The following MSI2 variants were observed in gnomAD, a reference collection of about 807,000 sequenced individuals.
MSI2 encodes the protein musashi RNA binding protein 2.
In MSI2, 17 loss-of-function variants were observed where a neutral mutation model predicts 45.6. The ratio of observed to expected loss-of-function variants is 0.37; its 90% CI spans 0.26 to 0.56. The LOEUF (loss-of-function observed/expected upper bound fraction) is 0.56, where lower values mean the gene tolerates loss of function less well. Among genes scored for constraint, MSI2 ranks in the 20% least tolerant of loss-of-function variants. The pLI, the probability that MSI2 is intolerant of heterozygous loss-of-function variation, is 0.77. For synonymous variants in MSI2, 156 were observed against 158.2 expected (o/e 0.99, Z 0.11); for missense variants, 293 against 444.2 (o/e 0.66, Z 3.06).
chr17:57,272,459 A>T (rs778937258), intron 5 of MSI2, among the ~76,000 whole-genome samples: 2 of 152,182 alleles, frequency 1.3e-5, no homozygotes, highest in Non-Finnish European at 2.9e-5. Flanking sequence ...GGGAAAAGAA[A>T]ACCTGTTGGT....
intron 6 of MSI2, among the ~76,000 whole-genome samples, chr17:57,473,138 C>T (rs2085471938): frequency 6.6e-6 from 1 of 152,214 alleles, no homozygotes; most frequent in African/African-American, 2.4e-5. Flanking sequence ...GGTGATCTGC[C>T]CGCCTCAGCC....
chr17:57,688,733 A>G (rs535985342), downstream of MSI2, among the ~76,000 whole-genome samples: 10 of 152,318 alleles, frequency 6.6e-5, no homozygotes, highest in South Asian at 1.4e-3. Flanking sequence ...ATGGATACAA[A>G]GAAAGGGGTA....
At chr17:57,452,642 G>A (rs1214489155) in intron 6 of MSI2, among the ~76,000 whole-genome samples, 1 of 152,322 alleles carries the variant, frequency 6.6e-6, no homozygotes, top group African/African-American at 2.4e-5. Flanking sequence ...TGAAAAGATT[G>A]CTCTCTAAGA....
chr17:57,274,997 A>C (rs1458937092), intron 5 of MSI2, among the ~76,000 whole-genome samples: 3 of 152,246 alleles, frequency 2.0e-5, no homozygotes, highest in East Asian at 3.8e-4. Context: ...TAAACAACAA[A>C]AGAAAAATTT....
chr17:57,580,139 A>C (rs1337984724), intron 7 of MSI2, among the ~76,000 whole-genome samples: 2 of 151,524 alleles, frequency 1.3e-5, no homozygotes, highest in African/African-American at 4.8e-5. Context: ...GCAGGGGCTG[A>C]TCTGCCTTCA....
At chr17:57,390,960 T>A (rs567329206) in intron 5 of MSI2, among the ~76,000 whole-genome samples, 2 of 152,288 alleles carry the variant, frequency 1.3e-5, no homozygotes, top group East Asian at 3.9e-4. Flanking sequence ...AGATGATAGA[T>A]CGGGGGTGGC....
At chr17:57,637,140 C>T (rs758414765) in intron 10 of MSI2, among the ~76,000 whole-genome samples, 21 of 152,220 alleles carry the variant, frequency 1.4e-4, no homozygotes, top group South Asian at 2.1e-4. Flanking sequence ...CGAGCTCCCT[C>T]ATGGCCAGCC....
chr17:57,490,161 A>AGG (rs955533599), intron 6 of MSI2, among the ~76,000 whole-genome samples: 5 of 152,198 alleles, frequency 3.3e-5, no homozygotes, highest in African/African-American at 1.2e-4. Context: ...CCTATCTGGA[A>AGG]GGGTTGCACT....
intron 6 of MSI2, among the ~76,000 whole-genome samples, chr17:57,466,164 T>C (rs1464780573): frequency 6.6e-6 from 1 of 152,214 alleles, no homozygotes; most frequent in Non-Finnish European, 1.5e-5. Context: ...CCTGTCACTC[T>C]TCATTTCTCA....
intron 6 of MSI2, among the ~76,000 whole-genome samples, chr17:57,431,317 T>C (rs930823184): frequency 2.0e-5 from 3 of 152,172 alleles, no homozygotes; most frequent in African/African-American, 7.2e-5. Context: ...CCATGTAGGA[T>C]GTGGGTGGCA....
chr17:57,440,595 A>G (rs1012752371), intron 6 of MSI2: 8 of 152,090 alleles, frequency 5.3e-5, no homozygotes, highest in African/African-American at 1.9e-4. Flanking sequence ...GAGCTGGGCT[A>G]TTTATAATTT....
intron 5 of MSI2, among the ~76,000 whole-genome samples, chr17:57,331,569 G>T (rs1303200888): frequency 2.6e-5 from 4 of 152,210 alleles, no homozygotes. Flanking sequence ...AGCGAGATCT[G>T]AAAGCTTTGA....
At chr17:57,667,601 T>C (rs561400157) in intron 11 of MSI2, among the ~76,000 whole-genome samples, 2 of 152,300 alleles carry the variant, frequency 1.3e-5, no homozygotes, top group African/African-American at 4.8e-5. Flanking sequence ...ACTTGCCTCC[T>C]GGAAACCTGC....
intron 6 of MSI2, among the ~76,000 whole-genome samples, chr17:57,441,937 C>T (rs998871760): frequency 7.2e-5 from 11 of 152,058 alleles, no homozygotes; most frequent in African/African-American, 2.7e-4. Context: ...GTGAAGGGAT[C>T]TCAGGGAGGC....
chr17:57,503,148 G>A (rs2086154264), intron 6 of MSI2, among the ~76,000 whole-genome samples: 1 of 152,182 alleles, frequency 6.6e-6, no homozygotes, highest in South Asian at 2.1e-4. Context: ...ACAGTTCAGG[G>A]GTGGCTTAGA....
chr17:57,334,351 A>T (rs1246689841), intron 5 of MSI2, among the ~76,000 whole-genome samples: 2 of 152,200 alleles, frequency 1.3e-5, no homozygotes, highest in Non-Finnish European at 2.9e-5. Context: ...GTGATTAAAA[A>T]TGGCAAGCCT....
intron 3 of MSI2, among the ~76,000 whole-genome samples, chr17:57,258,061 C>T (rs1381567989): frequency 6.6e-6 from 1 of 152,134 alleles, no homozygotes; most frequent in African/African-American, 2.4e-5. Flanking sequence ...ACCCTCCCTG[C>T]CCCCGTTCCA....
At chr17:57,372,283 G>A (rs568909226) in intron 5 of MSI2, among the ~76,000 whole-genome samples, 1 of 152,242 alleles carries the variant, frequency 6.6e-6, no homozygotes, top group East Asian at 1.9e-4. Flanking sequence ...ACCCACCTGT[G>A]TATCTTATTT....
chr17:57,609,118 A>G (rs1906971394), intron 8 of MSI2, among the ~76,000 whole-genome samples: 1 of 151,998 alleles, frequency 6.6e-6, no homozygotes, highest in Non-Finnish European at 1.5e-5. Context: ...CCTCTTCACC[A>G]TCTCCCTGGG....
Sources: allele counts gnomAD v4.1 joint callset (sites outside exome capture counted in the v4.1 genomes callset), GRCh38; gene constraint gnomAD v4.1.1; transcripts MANE v1.5; gene names NCBI Gene and HGNC (gene_info 2026-07-23, HGNC 2026-07-21).